The following SNTG1 variants were observed in gnomAD, a reference collection of about 807,000 sequenced individuals.
SNTG1 encodes syntrophin gamma 1, also known as gamma-1-syntrophin.
SNTG1 carries 39 observed loss-of-function variants against 74.7 expected under a neutral mutation model. The observed-to-expected ratio is 0.52, with a 90% CI of 0.40 to 0.68. The LOEUF (loss-of-function observed/expected upper bound fraction) is 0.68. Ranked by LOEUF, SNTG1 falls within the 30% of genes least tolerant of loss-of-function variation. The probability of loss-of-function intolerance (pLI) is 0.00; values close to 1 mark genes in which losing one functional copy is unlikely to be tolerated. For missense variants in SNTG1, 685 were observed against 609.5 expected (o/e 1.12, Z -1.30); for synonymous variants, 254 against 217.1 (o/e 1.17, Z -1.49).
At chr8:50,138,458 T>A (rs893091877) in intron 1 of SNTG1, among the ~76,000 whole-genome samples, 1 of 146,008 alleles carries the variant, frequency 6.8e-6, no homozygotes, top group Admixed American at 6.9e-5. Flanking sequence ...TCTCTACTAA[T>A]AAAAAAAAAA....
rs1007308080 is a variant in SNTG1, at chr8:50,123,240, G to A, written c.-102-49321G>A. ...AGTGGCTGATGGTAATTATTGTACCGCTCAGTGCTCCAACACACAATTACA... is the reference window on the plus strand; with the variant it reads ...AGTGGCTGATGGTAATTATTGTACCACTCAGTGCTCCAACACACAATTACA... On this transcript the variant is annotated intron_variant, in intron 1 of 18. Coordinates refer to ENST00000642720, the MANE Select transcript of SNTG1 (RefSeq NM_018967.5). Among the ~76,000 whole-genome samples, 3 of 142,828 alleles carry A rather than the reference G, an allele frequency of 2.1e-5. 1 individual carries two copies. Among genetic ancestry groups the A allele is most frequent in the Admixed American group, 7.2e-5 (1 of 13,986 alleles). 93.7% of individuals were successfully genotyped at this position (142,828 alleles called of 152,430 possible).
At chr8:50,237,128 T>A (rs1396289872) in intron 2 of SNTG1, among the ~76,000 whole-genome samples, 1 of 152,200 alleles carries the variant, frequency 6.6e-6, no homozygotes, top group Non-Finnish European at 1.5e-5. Flanking sequence ...TTCCTCACTC[T>A]ATTTTTTTAC....
At chr8:50,075,764 C>G (rs1033569631) in intron 1 of SNTG1, among the ~76,000 whole-genome samples, 3 of 152,134 alleles carry the variant, frequency 2.0e-5, no homozygotes, top group African/African-American at 7.2e-5. Flanking sequence ...ACCACGAACC[C>G]CCTGGGAGGA....
intron 1 of SNTG1, among the ~76,000 whole-genome samples, chr8:50,088,152 G>A (rs1456957579): frequency 1.3e-5 from 2 of 151,300 alleles, no homozygotes; most frequent in Middle Eastern, 3.4e-3. Context: ...TGGCGTATAT[G>A]TGCCACATTT....
Position 50,402,321 on chromosome 8 carries a change from T to C in SNTG1, c.139T>C (p.Ser47Pro), listed in dbSNP as rs759260264. The C allele has an allele frequency of 5.0e-6, 8 of 1,608,298 alleles. No individual in the cohort carries two copies. The South Asian group carries it at 9.0e-5, about 18-fold the overall frequency. ...MIQEQDVICVSGEPFYSGERT... is the reference protein window; with the variant it reads ...MIQEQDVICVPGEPFYSGERT... ...CCAGGAACAGGATGTGATATGTGTG[T>C]CTGGTGAGCCTTTCTATTCTGGTGT... Residue 47 changes from serine to proline, a missense_variant, in exon 4 of 19, where the codon TCT (serine) becomes CCT (proline). Physicochemically the swap from Ser to Pro is moderately conservative, Grantham distance 74. Transcript: ENST00000642720.
chr8:50,074,581 G>C (rs1193734735), intron 1 of SNTG1, among the ~76,000 whole-genome samples: 1 of 152,146 alleles, frequency 6.6e-6, no homozygotes, highest in Non-Finnish European at 1.5e-5. Context: ...GTCGTGATTT[G>C]TGCCACCCCA....
chr8:50,188,521 T>C (rs967314292), intron 2 of SNTG1, among the ~76,000 whole-genome samples: 6 of 152,068 alleles, frequency 3.9e-5, no homozygotes, highest in Non-Finnish European at 8.8e-5. Context: ...CAGATAGTCA[T>C]AGGGTACTCT....
intron 12 of SNTG1, among the ~76,000 whole-genome samples, chr8:50,573,685 A>G (rs573558037): frequency 6.6e-6 from 1 of 151,920 alleles, no homozygotes; most frequent in Non-Finnish European, 1.5e-5. Flanking sequence ...ATATTGTTTG[A>G]TTTGTAATAT....
intron 17 of SNTG1, among the ~76,000 whole-genome samples, chr8:50,732,734 T>C (rs1398646810): frequency 6.6e-6 from 1 of 151,928 alleles, no homozygotes; most frequent in African/African-American, 2.4e-5. Flanking sequence ...TTTTTCCACA[T>C]AACCTTACTA....
intron 17 of SNTG1, among the ~76,000 whole-genome samples, chr8:50,715,031 T>C (rs1314232156): frequency 6.6e-6 from 1 of 152,206 alleles, no homozygotes; most frequent in African/African-American, 2.4e-5. Flanking sequence ...CAAAATTCCA[T>C]GATTCTAAAA....
chr8:50,739,232 C>T (rs942684215), intron 17 of SNTG1, among the ~76,000 whole-genome samples: 2 of 151,916 alleles, frequency 1.3e-5, no homozygotes, highest in African/African-American at 4.8e-5. Context: ...AAACAAACAA[C>T]CCCATCAAAA....
intron 2 of SNTG1, among the ~76,000 whole-genome samples, chr8:50,331,208 G>C (rs1230755991): frequency 6.6e-6 from 1 of 152,158 alleles, no homozygotes; most frequent in Non-Finnish European, 1.5e-5. Flanking sequence ...CAGGTGGGCA[G>C]ACACATGTGG....
intron 13 of SNTG1, chr8:50,644,586 G>A (rs2095095106): frequency 6.6e-6 from 1 of 152,042 alleles, no homozygotes; most frequent in African/African-American, 2.4e-5. Flanking sequence ...TTTCAGTTAG[G>A]CTTCCAGTCG....
At chr8:50,582,077 C>T (rs796953604) in intron 12 of SNTG1, among the ~76,000 whole-genome samples, 4 of 152,300 alleles carry the variant, frequency 2.6e-5, no homozygotes, top group African/African-American at 9.6e-5. Context: ...CAAAAACAAT[C>T]ATCCAGTATC....
At chr8:50,391,060 A>C (rs1254167855) in intron 2 of SNTG1, among the ~76,000 whole-genome samples, 8 of 151,994 alleles carry the variant, frequency 5.3e-5, no homozygotes, top group Admixed American at 3.3e-4. Context: ...AGTACCCTTT[A>C]TTTCTTTCTT....
chr8:50,111,123 T>C (rs2080569029), intron 1 of SNTG1, among the ~76,000 whole-genome samples: 1 of 144,016 alleles, frequency 6.9e-6, no homozygotes, highest in Non-Finnish European at 1.6e-5. Flanking sequence ...CATTGCAACA[T>C]CAATGCCTAT....
At chr8:50,227,896 C>T (rs1178626488) in intron 2 of SNTG1, among the ~76,000 whole-genome samples, 2 of 94,900 alleles carry the variant, frequency 2.1e-5, no homozygotes, top group Non-Finnish European at 4.5e-5. Context: ...GTCCAGCCTC[C>T]AAAAAAAATG....
chr8:50,086,058 G>C (rs1822855635), intron 1 of SNTG1, among the ~76,000 whole-genome samples: 1 of 152,128 alleles, frequency 6.6e-6, no homozygotes, highest in Non-Finnish European at 1.5e-5. Flanking sequence ...GGATCGATTT[G>C]GGGTAGCAAC....
At chr8:50,492,015 T>G (rs1192540591) in intron 8 of SNTG1, among the ~76,000 whole-genome samples, 1 of 152,060 alleles carries the variant, frequency 6.6e-6, no homozygotes, top group Admixed American at 6.6e-5. Flanking sequence ...GTTACTTTGC[T>G]GAGAATGATG....
Sources: gnomAD v4.1 joint callset for allele counts (sites outside exome capture counted in the v4.1 genomes callset) on GRCh38, gnomAD v4.1.1 for gene constraint, MANE v1.5 for transcripts, NCBI Gene and HGNC (gene_info 2026-07-23, HGNC 2026-07-21) for gene names.